The following ADGRG7 variants were observed in gnomAD, a reference collection of about 807,000 sequenced individuals.
ADGRG7 encodes adhesion G protein-coupled receptor G7, also known as G-protein coupled receptor 128.
A neutral mutation model predicts 88.6 loss-of-function variants in ADGRG7; 82 were observed. The observed-to-expected ratio is 0.93, with a 90% CI of 0.77 to 1.11. The LOEUF (loss-of-function observed/expected upper bound fraction) is 1.11. Among genes scored for constraint, ADGRG7 ranks in the 50% most tolerant of loss-of-function variants. ADGRG7 has a pLI of 0.00. For missense variants in ADGRG7, 945 were observed against 953.4 expected (o/e 0.99, Z 0.12); for synonymous variants, 381 against 345.2 (o/e 1.10, Z -1.15).
chr3:100,681,731 C>G (rs1438119143), intron 15 of ADGRG7, among the ~76,000 whole-genome samples: 1 of 152,224 alleles, frequency 6.6e-6, no homozygotes, highest in East Asian at 1.9e-4. Context: ...GGACTTTACT[C>G]TCTGTAGTAT....
intron 13 of ADGRG7, among the ~76,000 whole-genome samples, chr3:100,659,268 TAA>T (rs888624071): frequency 1.4e-5 from 2 of 142,880 alleles, no homozygotes; most frequent in African/African-American, 2.6e-5. Flanking sequence ...CCGTCTCTAC[TAA>T]AAAAAAAAAA....
intron 10 of ADGRG7, among the ~76,000 whole-genome samples, chr3:100,647,604 G>A (rs577506280): frequency 8.5e-5 from 13 of 152,228 alleles, no homozygotes; most frequent in East Asian, 1.9e-4. Flanking sequence ...TAGCTCTGGC[G>A]TGCAGCTGTG....
intron 15 of ADGRG7, among the ~76,000 whole-genome samples, chr3:100,679,657 G>A (rs1367515504): frequency 6.6e-6 from 1 of 152,190 alleles, no homozygotes; most frequent in African/African-American, 2.4e-5. Context: ...TCCTGAGCTG[G>A]ATATCATAGA....
At position 100,695,406 on chromosome 3, in the gene ADGRG7, A is replaced by G. The variant is rs1269534262; in HGVS notation, c.*405A>G. On this transcript the variant is annotated 3_prime_UTR_variant, in exon 16 of 16. Coordinates refer to ENST00000273352, the MANE Select transcript of ADGRG7 (RefSeq NM_032787.3). ...GTGTGGGGATTTGCTTGTATGTATT[A>G]AACTTTTGACCTCTGAATATTTTAC... 1 of 157,888 alleles carries G rather than the reference A, an allele frequency of 6.3e-6. No individual in the cohort carries two copies. Among genetic ancestry groups the G allele is most frequent in the Non-Finnish European group, 1.4e-5 (1 of 72,136 alleles). The allele number at this position is 157,888 out of a possible 1,614,324, so 9.8% of individuals were successfully genotyped here. A position where few individuals can be genotyped will look rare whatever the true frequency, so the allele number is the denominator to read the frequency against.
chr3:100,640,152 G>T (rs761930768), intron 6 of ADGRG7, among the ~76,000 whole-genome samples: 10 of 152,292 alleles, frequency 6.6e-5, no homozygotes, highest in Non-Finnish European at 8.8e-5. Context: ...CTCTTGATGA[G>T]CTTCCAACAG....
intron 5 of ADGRG7, among the ~76,000 whole-genome samples, chr3:100,636,594 C>G (rs1019833461): frequency 6.6e-6 from 1 of 151,994 alleles, no homozygotes; most frequent in Non-Finnish European, 1.5e-5. Context: ...TATCAGCATG[C>G]CCTGAAAATA....
At chr3:100,629,299 AT>A (rs1559672741) in intron 1 of ADGRG7, among the ~76,000 whole-genome samples, 10 of 151,590 alleles carry the variant, frequency 6.6e-5, no homozygotes, top group African/African-American at 2.2e-4. Flanking sequence ...CTATCTATCT[AT>A]CTATCTATCT....
intron 13 of ADGRG7, among the ~76,000 whole-genome samples, chr3:100,657,154 C>G (rs756435683): frequency 6.6e-6 from 1 of 152,066 alleles, no homozygotes; most frequent in South Asian, 2.1e-4. Flanking sequence ...GGGGAAGATA[C>G]GAGGCAACTG....
chr3:100,609,860 G>A lies in ADGRG7; in HGVS notation c.4G>A (p.Ala2Thr), dbSNP rs373982991. 1.9e-6 allele frequency: 3 copies of A among 1,613,492 alleles called. No homozygotes were observed. The highest frequency in any genetic ancestry group is 1.7e-5 in the Admixed American group (1 of 60,010). Residue 2 changes from alanine (A) to threonine (T), a missense_variant, in exon 1 of 16, where the codon GCT (alanine) becomes ACT (threonine). Coordinates refer to ENST00000273352, the MANE Select transcript of ADGRG7 (RefSeq NM_032787.3). MASCRAWNLRVL... is the reference protein window; with the variant it reads MTSCRAWNLRVL... The stretch of plus-strand genomic sequence containing the variant: ...GGATTTGTGGTTTGGCTTCACCATG[G>A]CTTCCTGCCGTGCCTGGAACCTTAG...
chr3:100,647,335 A>C (rs181189060), intron 10 of ADGRG7, among the ~76,000 whole-genome samples: 1 of 152,220 alleles, frequency 6.6e-6, no homozygotes, highest in South Asian at 2.1e-4. Context: ...CACGTTCTGA[A>C]GCATAAAGTT....
intron 15 of ADGRG7, among the ~76,000 whole-genome samples, chr3:100,671,383 A>C (rs2094958269): frequency 6.6e-6 from 1 of 152,134 alleles, no homozygotes; most frequent in Admixed American, 6.5e-5. Flanking sequence ...TCCTTTGCCC[A>C]CTTTTTGATA....
chr3:100,676,776 T>G (rs779652929), intron 15 of ADGRG7, among the ~76,000 whole-genome samples: 1 of 152,074 alleles, frequency 6.6e-6, no homozygotes, highest in Non-Finnish European at 1.5e-5. Flanking sequence ...TATATGTGGG[T>G]GCTCCAGTAT....
At chr3:100,634,506 A>G (rs1005669790) in intron 4 of ADGRG7, among the ~76,000 whole-genome samples, 23 of 152,264 alleles carry the variant, frequency 1.5e-4, no homozygotes, top group African/African-American at 5.3e-4. Context: ...GAGGTGAAGC[A>G]TTTTGCCTAG....
chr3:100,620,842 T>G (rs1405331252), intron 1 of ADGRG7, among the ~76,000 whole-genome samples: 2 of 152,150 alleles, frequency 1.3e-5, no homozygotes, highest in Non-Finnish European at 2.9e-5. Flanking sequence ...TGTTTTTTTT[T>G]TTTACAACTG....
At chr3:100,646,188 T>G (rs1707741463) in intron 9 of ADGRG7, 80 bp downstream of exon 9, 1 of 482,594 alleles carries the variant, frequency 2.1e-6, no homozygotes, top group African/African-American at 2.8e-5. Context: ...CTGAGTAGAG[T>G]AATACAGGGG....
At chr3:100,629,271 ATCT>A (rs1275677639) in intron 1 of ADGRG7, among the ~76,000 whole-genome samples, 4 of 68,768 alleles carry the variant, frequency 5.8e-5, no homozygotes, top group Non-Finnish European at 3.7e-5. Context: ...TGTTGACTCT[ATCT>A]ATCTATCTAT....
chr3:100,688,405 T>C (rs572793091), intron 15 of ADGRG7, among the ~76,000 whole-genome samples: 40 of 152,352 alleles, frequency 2.6e-4, no homozygotes, highest in African/African-American at 8.7e-4. Context: ...TAGTTATTTC[T>C]TGCCTTCTGC....
At chr3:100,647,906 A>G (rs1019504238) in intron 10 of ADGRG7, among the ~76,000 whole-genome samples, 1 of 152,218 alleles carries the variant, frequency 6.6e-6, no homozygotes, top group African/African-American at 2.4e-5. Context: ...ACATACTGGT[A>G]TAGCTTGCAT....
At chr3:100,682,519 C>T (rs1242661180) in intron 15 of ADGRG7, among the ~76,000 whole-genome samples, 4 of 152,330 alleles carry the variant, frequency 2.6e-5, no homozygotes, top group Middle Eastern at 3.4e-3. Context: ...ATCTGCTCCA[C>T]ATCAAGGTGA....
Sources: allele counts gnomAD v4.1 joint callset (sites outside exome capture counted in the v4.1 genomes callset), GRCh38; gene constraint gnomAD v4.1.1; transcripts MANE v1.5; gene names NCBI Gene and HGNC (gene_info 2026-07-23, HGNC 2026-07-21).